OR4C11: variants seen among roughly 807,000 people sequenced by gnomAD.
OR4C11 encodes olfactory receptor family 4 subfamily C member 11.
OR4C11 carries 15 observed loss-of-function variants against 14.7 expected under a neutral mutation model. The observed-to-expected ratio is 1.02, with a 90% CI of 0.68 to 1.58. The LOEUF is 1.58. Among genes scored for constraint, OR4C11 ranks in the 40% most tolerant of loss-of-function variants. The pLI, the probability that OR4C11 is intolerant of heterozygous loss-of-function variation, is 0.00. For missense variants in OR4C11, 473 were observed against 383.0 expected, an observed-to-expected ratio of 1.24 and a Z score of -1.96; for synonymous variants, 146 against 135.0, an observed-to-expected ratio of 1.08 and a Z score of -0.57.
Position 55,607,049 on chromosome 11 carries a change from G to A in OR4C11, c.-365+238C>T, listed in dbSNP as rs750185918. ...ATTCTTATAGATCCAAATCATTAATGTTTTATACTATTTTATATTTAGCTG... is the reference window on the plus strand; with the variant it reads ...ATTCTTATAGATCCAAATCATTAATATTTTATACTATTTTATATTTAGCTG... On this transcript the variant is annotated intron_variant, in intron 1 of 3. Transcript: ENST00000641580. 1.4e-5 allele frequency among the ~76,000 whole-genome samples: 2 copies of A among 138,584 alleles called. 1 individual carries two copies. The highest frequency in any genetic ancestry group is 3.2e-5 in the Non-Finnish European group (2 of 62,284). The allele number at this position is 138,584 out of a possible 152,430, so 90.9% of individuals were successfully genotyped here. A position where few individuals can be genotyped will look rare whatever the true frequency, so the allele number is the denominator to read the frequency against.
intron 3 of OR4C11, 101 bp from the exon 4 acceptor site, chr11:55,604,518 T>A: frequency 2.5e-6 from 1 of 404,044 alleles, no homozygotes. Context: ...GACAATTCTT[T>A]GTATTTTTTT....
chr11:55,605,547 AC>A (rs1199131232), intron 2 of OR4C11, among the ~76,000 whole-genome samples: 1 of 138,694 alleles, frequency 7.2e-6, no homozygotes, highest in East Asian at 2.3e-4. Context: ...TTTTCCATAT[AC>A]TTTTTCACAT....
intron 1 of OR4C11, among the ~76,000 whole-genome samples, chr11:55,607,037 C>A (rs1259289591): frequency 1.4e-5 from 2 of 137,998 alleles, no homozygotes; most frequent in African/African-American, 5.0e-5. Context: ...CTTATAGATC[C>A]AAATCATTAA....
rs1280995487 is a variant in OR4C11, at chr11:55,606,562, C to T, written c.-247G>A. ...GTTATTCACCTTGTGATGGCATATC[C>T]CTGAGCCATCACAACTGTCTTGTTG... is the stretch of plus-strand genomic sequence containing the variant. On this transcript the variant is annotated 5_prime_UTR_variant, in exon 2 of 4. Transcript: ENST00000641580. The T allele has an allele frequency of 7.3e-6, 1 of 137,868 alleles. No homozygotes were observed. The highest frequency in any genetic ancestry group is 1.6e-5 in the Non-Finnish European group (1 of 62,016). The allele number at this position is 137,868 out of a possible 1,614,324, so 8.5% of individuals were successfully genotyped here.
chr11:55,605,581 G>A lies in OR4C11; in HGVS notation c.-206-294C>T, dbSNP rs1175042687. Among the ~76,000 whole-genome samples, 5 of 138,024 alleles carry A rather than the reference G, an allele frequency of 3.6e-5. 1 individual carries two copies. Among genetic ancestry groups the A allele is most frequent in the Non-Finnish European group, 6.4e-5 (4 of 62,096 alleles). 90.5% of individuals were successfully genotyped at this position (138,024 alleles called of 152,430 possible). Reference sequence around the variant, plus strand: ...CATATATATTCCAAATAGCAACACAGTAAAAAATTAAAAGGGAAGTGTCAA... The same window carrying A: ...CATATATATTCCAAATAGCAACACAATAAAAAATTAAAAGGGAAGTGTCAA... On this transcript the variant is annotated intron_variant, in intron 2 of 3. Transcript: ENST00000641580.
In OR4C11 at chr11:55,605,600, G is replaced by A. The variant is rs142027089; in HGVS notation, c.-206-313C>T. 1.9e-4 allele frequency among the ~76,000 whole-genome samples: 26 copies of A among 138,408 alleles called. 6 individuals are homozygous for A. The East Asian group carries it at 5.9e-3, about 31-fold the overall frequency. The allele number at this position is 138,408 out of a possible 152,430, so 90.8% of individuals were successfully genotyped here. A position where few individuals can be genotyped will look rare whatever the true frequency, so the allele number is the denominator to read the frequency against. On this transcript the variant is annotated intron_variant, in intron 2 of 3. Coordinates refer to ENST00000641580, the MANE Select transcript of OR4C11 (RefSeq NM_001004700.3). Reference sequence around the variant, plus strand: ...AACACAGTAAAAAATTAAAAGGGAAGTGTCAATATGATAAAATACATTTAC... The same window carrying A: ...AACACAGTAAAAAATTAAAAGGGAAATGTCAATATGATAAAATACATTTAC...
In OR4C11 at chr11:55,603,637, A is replaced by T. The variant is rs565659763; in HGVS notation, c.737T>A (p.Ile246Asn). Reference sequence around the variant, plus strand: ...GAATATACATGGGCCAAAGAATAAGATGACTACAATTATGTGAGACGTGCA... The same window carrying T: ...GAATATACATGGGCCAAAGAATAAGTTGACTACAATTATGTGAGACGTGCA... ...SACTSHIIVV[I>N]LFFGPCIFIY... Residue 246 changes from isoleucine (I) to asparagine (N), a missense_variant, in exon 4 of 4, where the codon ATC becomes AAC. Ile to Asn is a moderately radical substitution (Grantham distance 149, BLOSUM62 -3). Coordinates refer to ENST00000641580, the MANE Select transcript of OR4C11 (RefSeq NM_001004700.3). The T allele has an allele frequency of 3.4e-6, 5 of 1,486,382 alleles. No homozygotes were observed. In the African/African-American group the frequency reaches 6.9e-5, roughly 20 times the overall value. The allele number at this position is 1,486,382 out of a possible 1,614,324, so 92.1% of individuals were successfully genotyped here.
chr11:55,606,108 C>A (rs1312292047), intron 2 of OR4C11, among the ~76,000 whole-genome samples: 1 of 137,714 alleles, frequency 7.3e-6, no homozygotes, highest in African/African-American at 2.5e-5. Context: ...AACTTTAGTG[C>A]CCATCAGAAG....
rs1857905896 is a variant in OR4C11, at chr11:55,603,218, G to T, written c.*223C>A. 5.5e-6 allele frequency: 2 copies of T among 366,296 alleles called. No homozygotes were observed. The highest frequency in any genetic ancestry group is 9.6e-6 in the Non-Finnish European group (2 of 207,706). 22.7% of individuals were successfully genotyped at this position (366,296 alleles called of 1,614,324 possible). On this transcript the variant is annotated 3_prime_UTR_variant, in exon 4 of 4. Transcript: ENST00000641580. ...GATAATCTGAAAAGAAAAGACTACT[G>T]GTAGGTAATCACCTGAATTAATCTA...
In OR4C11 at chr11:55,604,410, T is replaced by C; in HGVS notation, c.-37A>G. On this transcript the variant is annotated 5_prime_UTR_variant, in exon 4 of 4. An upstream open reading frame in the 5' UTR loses its in-frame stop. Coordinates refer to ENST00000641580, the MANE Select transcript of OR4C11 (RefSeq NM_001004700.3). Reference sequence around the variant, plus strand: ...ATGTGAAGAAACCACAGATTAGAACTAGTTAATCTGCAAAAGAAAAAAAGA... The same window carrying C: ...ATGTGAAGAAACCACAGATTAGAACCAGTTAATCTGCAAAAGAAAAAAAGA... 1 of 844,794 alleles carries C rather than the reference T, an allele frequency of 1.2e-6. No individual in the cohort carries two copies. The highest frequency in any genetic ancestry group is 1.7e-6 in the Non-Finnish European group (1 of 573,146). 52.3% of individuals were successfully genotyped at this position (844,794 alleles called of 1,614,324 possible).
Position 55,603,092 on chromosome 11 carries a change from G to T in OR4C11, c.*349C>A, listed in dbSNP as rs563769626. On this transcript the variant is annotated 3_prime_UTR_variant, in exon 4 of 4. Transcript: ENST00000641580. ...ATTTCAGGGAGTTTATCAGTCTGTG[G>T]TCAAAAGCACAGGAAAGAAGTAAGA... The T allele has an allele frequency of 5.7e-5, 9 of 158,682 alleles. No individual in the cohort carries two copies. In the South Asian group the frequency reaches 1.3e-3, roughly 24 times the overall value. 9.8% of individuals were successfully genotyped at this position (158,682 alleles called of 1,614,324 possible). A position where few individuals can be genotyped will look rare whatever the true frequency, so the allele number is the denominator to read the frequency against.
chr11:55,605,781 C>A (rs777428165), intron 2 of OR4C11, among the ~76,000 whole-genome samples: 2 of 138,460 alleles, frequency 1.4e-5, no homozygotes, highest in African/African-American at 5.0e-5. Flanking sequence ...TGGAAAGATG[C>A]TCAATTTCTT....
Position 55,604,380 on chromosome 11 carries a change from A to G in OR4C11, c.-7T>C, listed in dbSNP as rs754482907. The G allele has an allele frequency of 1.0e-5, 12 of 1,199,352 alleles. 4 individuals carry two copies. The highest frequency in any genetic ancestry group is 1.4e-5 in the Non-Finnish European group (12 of 872,278). The allele number at this position is 1,199,352 out of a possible 1,614,324, so 74.3% of individuals were successfully genotyped here. On this transcript the variant is annotated 5_prime_UTR_variant, in exon 4 of 4. Transcript: ENST00000641580. ...CACTGTTATTTTGCTGCATTGTTTC[A>G]GTTGATGTGAAGAAACCACAGATTA... is the stretch of plus-strand genomic sequence containing the variant.
chr11:55,603,948 C>T lies in OR4C11; in HGVS notation c.426G>A (p.Leu142=), dbSNP rs1311418632. 1 of 1,489,426 alleles carries T rather than the reference C, an allele frequency of 6.7e-7. No homozygotes were observed. The highest frequency in any genetic ancestry group is 2.6e-5 in the East Asian group (1 of 38,730). The allele number at this position is 1,489,426 out of a possible 1,614,324, so 92.3% of individuals were successfully genotyped here. ...AAGACCCTATCCAGGCAAGAACAAT[C>T]AGGATGATGCAGACCTGCTGGCTCA... is the stretch of plus-strand genomic sequence containing the variant. ...TIMSQQVCII[L]IVLAWIGSLI... Residue 142 remains leucine, a synonymous_variant, in exon 4 of 4, where the codon CTG becomes CTA. Transcript: ENST00000641580.
chr11:55,606,725 C>A (rs1857967301), intron 1 of OR4C11, 46 bp from the exon 2 acceptor site: 1 of 138,418 alleles, frequency 7.2e-6, no homozygotes, highest in African/African-American at 2.5e-5. Context: ...ACTGGAGATT[C>A]ACTTCCTGTA....
rs775489583 is a variant in OR4C11 at position 55,604,182 on chromosome 11, C to T, written c.192G>A (p.Leu64=). The part of the protein sequence containing the change: ...GSPMYFFLFY[L]SFADSCFSTS... The stretch of plus-strand genomic sequence containing the variant: ...TTGAAAAGCAAGAATCTGCAAAGGA[C>T]AAATAAAATAGAAAGAAGTACATGG... The change falls in exon 4 of 4, where the codon TTG becomes TTA. Residue 64 remains leucine, a synonymous_variant. Coordinates refer to ENST00000641580, the MANE Select transcript of OR4C11 (RefSeq NM_001004700.3). The T allele has an allele frequency of 6.8e-7, 1 of 1,476,374 alleles. No individual in the cohort carries two copies. The highest frequency in any genetic ancestry group is 9.2e-7 in the Non-Finnish European group (1 of 1,086,374). 91.5% of individuals were successfully genotyped at this position (1,476,374 alleles called of 1,614,324 possible).
chr11:55,605,007 CAG>C lies in OR4C11; in HGVS notation c.-45+117_-45+118del, dbSNP rs1194719158. On this transcript the variant is annotated intron_variant, in intron 3 of 3. Coordinates refer to ENST00000641580, the MANE Select transcript of OR4C11 (RefSeq NM_001004700.3). ...GTGTGTGCACACACACACACATACACAGAGAAAGAGACAATAAACATAAAATT... is the reference window on the plus strand; with the variant it reads ...GTGTGTGCACACACACACACATACACAGAAAGAGACAATAAACATAAAATT... The C allele has an allele frequency of 2.0e-4, 28 of 138,234 alleles. 2 individuals are homozygous for C. The highest frequency in any genetic ancestry group is 6.7e-4 in the African/African-American group (27 of 40,100). The allele number at this position is 138,234 out of a possible 1,614,324, so 8.6% of individuals were successfully genotyped here. A position where few individuals can be genotyped will look rare whatever the true frequency, so the allele number is the denominator to read the frequency against.
chr11:55,603,655 G>C lies in OR4C11; in HGVS notation c.719C>G (p.Ser240Cys). Reference sequence around the variant, plus strand: ...GAATAAGATGACTACAATTATGTGAGACGTGCAAGCGGAGAGAGCCTTTTT... The same window carrying C: ...GAATAAGATGACTACAATTATGTGACACGTGCAAGCGGAGAGAGCCTTTTT... The part of the protein sequence containing the change: ...GKKKALSACT[S>C]HIIVVILFFG... The change falls in exon 4 of 4, where the codon TCT (serine) becomes TGT (cysteine). Residue 240 changes from serine (S) to cysteine (C), a missense_variant. Coordinates refer to ENST00000641580, the MANE Select transcript of OR4C11 (RefSeq NM_001004700.3). 6.7e-6 allele frequency: 10 copies of C among 1,482,194 alleles called. 3 individuals are homozygous for C. The highest frequency in any genetic ancestry group is 9.2e-6 in the Non-Finnish European group (10 of 1,088,112). 91.8% of individuals were successfully genotyped at this position (1,482,194 alleles called of 1,614,324 possible). A position where few individuals can be genotyped will look rare whatever the true frequency, so the allele number is the denominator to read the frequency against.
chr11:55,603,410 A>C lies in OR4C11; in HGVS notation c.*31T>G. 5 of 1,065,556 alleles carry C rather than the reference A, an allele frequency of 4.7e-6. No homozygotes were observed. Among genetic ancestry groups the C allele is most frequent in the Non-Finnish European group, 6.7e-6 (5 of 749,754 alleles). 66.0% of individuals were successfully genotyped at this position (1,065,556 alleles called of 1,614,324 possible). On this transcript the variant is annotated 3_prime_UTR_variant, in exon 4 of 4. Transcript: ENST00000641580. The stretch of plus-strand genomic sequence containing the variant: ...ACTTACTCTGTTAAATCATGATTTG[A>C]CTGAAAAAGTAATCAGGTCAGGCCC...
Sources: gnomAD v4.1 joint callset for allele counts (sites outside exome capture counted in the v4.1 genomes callset) on GRCh38, gnomAD v4.1.1 for gene constraint, MANE v1.5 for transcripts, NCBI Gene and HGNC (gene_info 2026-07-23, HGNC 2026-07-21) for gene names.